Variants in LRRC4C observed in about 807,000 individuals in gnomAD.
The protein encoded by LRRC4C is leucine rich repeat containing 4C.
LRRC4C carries 5 observed loss-of-function variants against 33.6 expected under a neutral mutation model. The observed-to-expected ratio is 0.15, with a 90% CI of 0.08 to 0.31. The LOEUF (loss-of-function observed/expected upper bound fraction) is 0.31. Ranked by LOEUF, LRRC4C falls within the 10% of genes least tolerant of loss-of-function variation. The pLI is 1.00. For missense variants in LRRC4C, 560 were observed against 796.7 expected (o/e 0.70, Z 3.58); for synonymous variants, 329 against 302.0 (o/e 1.09, Z -0.93).
intron 3 of LRRC4C, among the ~76,000 whole-genome samples, chr11:40,347,024 G>A (rs1457791020): frequency 6.6e-6 from 1 of 152,190 alleles, no homozygotes; most frequent in Admixed American, 6.6e-5. Flanking sequence ...CTCCTAATAA[G>A]AGTCAGCCTG....
chr11:40,882,724 G>A (rs1430534995), intron 2 of LRRC4C, among the ~76,000 whole-genome samples: 2 of 152,042 alleles, frequency 1.3e-5, no homozygotes, highest in Non-Finnish European at 1.5e-5. Context: ...ACAGTACACT[G>A]TAATTATTTA....
intron 3 of LRRC4C, among the ~76,000 whole-genome samples, chr11:40,609,583 G>C (rs118162728): frequency 0.02 from 3,070 of 151,748 alleles, 48 homozygotes; most frequent in South Asian, 0.037. Context: ...GTAGAGCATA[G>C]AAAAACAATA....
intron 3 of LRRC4C, among the ~76,000 whole-genome samples, chr11:40,402,205 T>C (rs778081701): frequency 6.6e-6 from 1 of 152,154 alleles, no homozygotes; most frequent in Non-Finnish European, 1.5e-5. Flanking sequence ...CATTGTGTGT[T>C]TGTATTTTCA....
intron 3 of LRRC4C, among the ~76,000 whole-genome samples, chr11:40,488,435 G>A (rs1953980187): frequency 6.6e-6 from 1 of 152,166 alleles, no homozygotes; most frequent in Non-Finnish European, 1.5e-5. Context: ...GGGAAATAGA[G>A]TCTTTTTTAT....
chr11:41,323,291 A>G (rs1357210984), intron 1 of LRRC4C, among the ~76,000 whole-genome samples: 1 of 152,182 alleles, frequency 6.6e-6, no homozygotes, highest in Non-Finnish European at 1.5e-5. Context: ...TGAGAAATCT[A>G]CAAACTCAGA....
At chr11:41,391,018 A>G (rs545690667) in intron 1 of LRRC4C, among the ~76,000 whole-genome samples, 18 of 151,180 alleles carry the variant, frequency 1.2e-4, no homozygotes, top group Admixed American at 4.6e-4. Flanking sequence ...CTTGGGCCAT[A>G]TAAGTAAGCA....
intron 1 of LRRC4C, among the ~76,000 whole-genome samples, chr11:41,303,243 A>ACGCGCCGC (rs1174582405): frequency 2.0e-5 from 3 of 148,024 alleles, no homozygotes; most frequent in Admixed American, 6.8e-5. Flanking sequence ...GATTGCAGGC[A>ACGCGCCGC]CGCGCCGCCA....
chr11:40,183,148 A>G (rs1861143581), intron 5 of LRRC4C, among the ~76,000 whole-genome samples: 1 of 152,216 alleles, frequency 6.6e-6, no homozygotes, highest in Non-Finnish European at 1.5e-5. Context: ...ACATCCAGGA[A>G]AATGTAAGAA....
intron 1 of LRRC4C, among the ~76,000 whole-genome samples, chr11:41,339,321 A>C (rs1468792274): frequency 6.6e-6 from 1 of 152,220 alleles, no homozygotes; most frequent in Non-Finnish European, 1.5e-5. Context: ...TTCACAAGGA[A>C]TCACAGATTA....
intron 5 of LRRC4C, among the ~76,000 whole-genome samples, chr11:40,151,594 A>C (rs1361596417): frequency 1.3e-5 from 2 of 152,202 alleles, no homozygotes; most frequent in Non-Finnish European, 2.9e-5. Flanking sequence ...AATTGTTCTG[A>C]AGTAGTTCGC....
At position 40,281,823 on chromosome 11, in the gene LRRC4C, T is replaced by A. The variant is rs1370390637; in HGVS notation, c.-176+37805A>T. Reference sequence around the variant, plus strand: ...TTATTTTAATAATTAGGGAACTGTATTAGTTATCATCAGAAAAAGGCTTTC... The same window carrying A: ...TTATTTTAATAATTAGGGAACTGTAATAGTTATCATCAGAAAAAGGCTTTC... On this transcript the variant is annotated intron_variant, in intron 4 of 6. Coordinates refer to ENST00000528697, the MANE Select transcript of LRRC4C (RefSeq NM_001258419.2). Among the ~76,000 whole-genome samples, 3 of 152,140 alleles carry A rather than the reference T, an allele frequency of 2.0e-5. No homozygotes were observed. The East Asian group carries it at 5.8e-4, about 29-fold the overall frequency.
At chr11:40,772,546 A>T (rs12277100) in intron 2 of LRRC4C, among the ~76,000 whole-genome samples, 7,705 of 152,300 alleles carry the variant, frequency 0.051, 262 homozygotes, top group African/African-American at 0.092. Context: ...CAAAATATCT[A>T]AATATACATT....
At position 40,385,863 on chromosome 11, in the gene LRRC4C, CAAATAAAT is replaced by C. The variant is rs60952313; in HGVS notation, c.-269-66150_-269-66143del. ...GCCTGGCAACAGAGTGAGACTCTGTCAAATAAATAAATAAATAAATAAATAAATAAAAT... is the reference window on the plus strand; with the variant it reads ...GCCTGGCAACAGAGTGAGACTCTGTCAAATAAATAAATAAATAAATAAAAT... On this transcript the variant is annotated intron_variant, in intron 3 of 6. Transcript: ENST00000528697. Among the ~76,000 whole-genome samples the C allele has an allele frequency of 8.0e-5, 11 of 138,202 alleles. No homozygotes were observed. In the South Asian group the frequency reaches 1.2e-3, roughly 15 times the overall value. 90.7% of individuals were successfully genotyped at this position (138,202 alleles called of 152,430 possible). A position where few individuals can be genotyped will look rare whatever the true frequency, so the allele number is the denominator to read the frequency against.
chr11:41,251,354 C>T (rs1167754052), intron 1 of LRRC4C, among the ~76,000 whole-genome samples: 1 of 152,172 alleles, frequency 6.6e-6, no homozygotes, highest in Non-Finnish European at 1.5e-5. Flanking sequence ...TCTGCCCTAC[C>T]TCCTGAGACC....
chr11:40,279,106 G>A (rs1943304605), intron 4 of LRRC4C, among the ~76,000 whole-genome samples: 1 of 152,134 alleles, frequency 6.6e-6, no homozygotes, highest in South Asian at 2.1e-4. Flanking sequence ...GTGACATTGG[G>A]AACATCTGGA....
chr11:40,322,162 T>C (rs1280425317), intron 3 of LRRC4C, among the ~76,000 whole-genome samples: 1 of 152,226 alleles, frequency 6.6e-6, no homozygotes, highest in Non-Finnish European at 1.5e-5. Flanking sequence ...AAGCAGGTTT[T>C]AGGATTTCAT....
intron 3 of LRRC4C, among the ~76,000 whole-genome samples, chr11:40,620,586 C>T (rs867544593): frequency 6.6e-6 from 1 of 151,702 alleles, no homozygotes; most frequent in African/African-American, 2.4e-5. Context: ...TGAAATAATA[C>T]GTTAAAGCTA....
At chr11:40,963,045 T>C (rs1040501893) in intron 1 of LRRC4C, among the ~76,000 whole-genome samples, 2 of 151,696 alleles carry the variant, frequency 1.3e-5, no homozygotes, top group South Asian at 2.1e-4. Context: ...TAAGTGCCTA[T>C]AGACAGTTTT....
intron 3 of LRRC4C, among the ~76,000 whole-genome samples, chr11:40,637,923 C>T (rs1941853204): frequency 6.6e-6 from 1 of 152,168 alleles, no homozygotes; most frequent in South Asian, 2.1e-4. Context: ...TCTATAGTAC[C>T]TTGTGTTCCT....
Sources: gnomAD v4.1 joint callset for allele counts (sites outside exome capture counted in the v4.1 genomes callset) on GRCh38, gnomAD v4.1.1 for gene constraint, MANE v1.5 for transcripts, NCBI Gene and HGNC (gene_info 2026-07-23, HGNC 2026-07-21) for gene names.